Variants in TUSC3 observed in about 807,000 individuals in gnomAD.
TUSC3 encodes dolichyl-diphosphooligosaccharide--protein glycosyltransferase subunit TUSC3.
In TUSC3, 45 loss-of-function variants were observed where a neutral mutation model predicts 44.8. The observed-to-expected ratio is 1.00, with a 90% CI of 0.79 to 1.29. The LOEUF (loss-of-function observed/expected upper bound fraction) is 1.29. Ranked by LOEUF, TUSC3 falls within the 50% of genes most tolerant of loss-of-function variation. The probability of loss-of-function intolerance (pLI) is 0.00; values close to 1 mark genes in which losing one functional copy is unlikely to be tolerated. For synonymous variants in TUSC3, 212 were observed against 152.9 expected, an observed-to-expected ratio of 1.39 and a Z score of -2.85; for missense variants, 519 against 437.9, an observed-to-expected ratio of 1.19 and a Z score of -1.65.
chr8:15,774,871 T>C, the TUSC3 span, among the ~76,000 whole-genome samples: 2 of 152,184 alleles, frequency 1.3e-5, no homozygotes, highest in Non-Finnish European at 2.9e-5. Flanking sequence ...CTCTCATACG[T>C]TGTGGGAATT....
intron 1 of TUSC3, among the ~76,000 whole-genome samples, chr8:15,583,792 A>G (rs958931468): frequency 1.3e-5 from 2 of 152,222 alleles, no homozygotes; most frequent in Non-Finnish European, 2.9e-5. Flanking sequence ...GGAAGAGTAC[A>G]TTAAAAGAAG....
At chr8:15,647,654 T>A (rs529902813) in intron 2 of TUSC3, among the ~76,000 whole-genome samples, 1 of 152,268 alleles carries the variant, frequency 6.6e-6, no homozygotes, top group African/African-American at 2.4e-5. Context: ...TAGTCTTAAG[T>A]TTTCTTAGTT....
the TUSC3 span, among the ~76,000 whole-genome samples, chr8:15,784,462 C>T: frequency 6.6e-6 from 1 of 151,962 alleles, no homozygotes; most frequent in Non-Finnish European, 1.5e-5. Flanking sequence ...TTGAAGTGCC[C>T]ATCATGAATG....
chr8:15,527,687 G>T (rs1381820804), intron 2 of TUSC3, among the ~76,000 whole-genome samples: 1 of 152,134 alleles, frequency 6.6e-6, no homozygotes, highest in South Asian at 2.1e-4. Flanking sequence ...TTATAGGAGT[G>T]AGCCACTGCA....
chr8:15,510,484 A>T (rs1585070808), intron 2 of TUSC3, among the ~76,000 whole-genome samples: 1 of 152,200 alleles, frequency 6.6e-6, no homozygotes, highest in East Asian at 1.9e-4. Context: ...GTAAATTCAC[A>T]ACTTATGTGA....
intron 1 of TUSC3, among the ~76,000 whole-genome samples, chr8:15,602,752 G>T (rs1804344903): frequency 6.6e-6 from 1 of 150,392 alleles, no homozygotes. Flanking sequence ...TGGGTTGTAT[G>T]GAACCTAATA....
intron 2 of TUSC3, among the ~76,000 whole-genome samples, chr8:15,504,607 ATATATATATATATATTTT>A (rs1416210754): frequency 2.6e-3 from 66 of 25,094 alleles, no homozygotes; most frequent in Admixed American, 5.0e-3. Context: ...ATATATATAT[ATATATATATATATATTTT>A]TTTTTTTTTT....
chr8:15,653,122 G>A (rs1038115687), intron 3 of TUSC3, among the ~76,000 whole-genome samples: 3 of 151,946 alleles, frequency 2.0e-5, no homozygotes, highest in Non-Finnish European at 4.4e-5. Context: ...ACTACTGTAA[G>A]AAACAAAATT....
intron 1 of TUSC3, among the ~76,000 whole-genome samples, chr8:15,610,091 A>G (rs1187409891): frequency 6.6e-6 from 1 of 152,086 alleles, no homozygotes; most frequent in African/African-American, 2.4e-5. Context: ...GGAAATTTTT[A>G]AGGTATATTA....
intron 1 of TUSC3, among the ~76,000 whole-genome samples, chr8:15,426,606 C>G (rs962874865): frequency 1.3e-5 from 2 of 152,136 alleles, no homozygotes; most frequent in Admixed American, 1.3e-4. Flanking sequence ...ATAATAAATA[C>G]TGCATTATAT....
intron 1 of TUSC3, among the ~76,000 whole-genome samples, chr8:15,606,161 G>T (rs1201934463): frequency 6.6e-6 from 1 of 152,026 alleles, no homozygotes; most frequent in Non-Finnish European, 1.5e-5. Flanking sequence ...TTGCTTGATA[G>T]ATACCATAGA....
chr8:15,467,463 G>C (rs935923371), intron 1 of TUSC3, among the ~76,000 whole-genome samples: 1 of 152,106 alleles, frequency 6.6e-6, no homozygotes, highest in African/African-American at 2.4e-5. Context: ...GTATAATTCT[G>C]CTGTGGGCTA....
Position 15,702,716 on chromosome 8 carries a change from T to C in TUSC3, c.799-27950T>C, listed in dbSNP as rs571981045. On this transcript the variant is annotated intron_variant, in intron 6 of 10. Transcript: ENST00000503731. ...CAGATGCATTCTGAACAGGGAGGAGTGGAAGTATTACCTTTTTTTCTGTGT... is the reference window on the plus strand; with the variant it reads ...CAGATGCATTCTGAACAGGGAGGAGCGGAAGTATTACCTTTTTTTCTGTGT... Among the ~76,000 whole-genome samples, 64 of 152,144 alleles carry C rather than the reference T, an allele frequency of 4.2e-4. No individual in the cohort carries two copies. In the Middle Eastern group the frequency reaches 0.01, roughly 24 times the overall value.
At chr8:15,722,931 C>G (rs1297403599) in intron 6 of TUSC3, among the ~76,000 whole-genome samples, 3 of 152,000 alleles carry the variant, frequency 2.0e-5, no homozygotes, top group Non-Finnish European at 4.4e-5. Flanking sequence ...ATACAGCCTC[C>G]CACAAAATGT....
chr8:15,439,743 A>G (rs943575365), intron 1 of TUSC3, among the ~76,000 whole-genome samples: 2 of 152,148 alleles, frequency 1.3e-5, no homozygotes, highest in African/African-American at 4.8e-5. Context: ...TATCTCTTTT[A>G]TCTTAATAAG....
chr8:15,693,206 G>A (rs1409987514), intron 6 of TUSC3, among the ~76,000 whole-genome samples: 1 of 152,162 alleles, frequency 6.6e-6, no homozygotes, highest in Non-Finnish European at 1.5e-5. Context: ...CCTACTGTTA[G>A]CTGGTTATTA....
chr8:15,543,522 A>G (rs1454825274), intron 1 of TUSC3, among the ~76,000 whole-genome samples: 1 of 152,070 alleles, frequency 6.6e-6, no homozygotes, highest in Admixed American at 6.6e-5. Flanking sequence ...GCTTTAAAAT[A>G]TAAATATAAT....
chr8:15,465,387 C>G (rs898799014), intron 1 of TUSC3, among the ~76,000 whole-genome samples: 2 of 152,070 alleles, frequency 1.3e-5, no homozygotes, highest in African/African-American at 4.8e-5. Context: ...TTTGAACCAC[C>G]AGCAGATTTG....
chr8:15,796,887 A>G, the TUSC3 span, among the ~76,000 whole-genome samples: 1 of 152,196 alleles, frequency 6.6e-6, no homozygotes, highest in Non-Finnish European at 1.5e-5. Flanking sequence ...TGTGGATATC[A>G]GACCAGCAAG....
Sources: gnomAD v4.1 joint callset for allele counts (sites outside exome capture counted in the v4.1 genomes callset) on GRCh38, gnomAD v4.1.1 for gene constraint, MANE v1.5 for transcripts, NCBI Gene and HGNC (gene_info 2026-07-23, HGNC 2026-07-21) for gene names.